The following ABHD2 variants were observed in gnomAD, a reference collection of about 807,000 sequenced individuals.
The protein encoded by ABHD2 is monoacylglycerol lipase ABHD2.
A neutral mutation model predicts 48.1 loss-of-function variants in ABHD2; 20 were observed. That is an observed-to-expected ratio of 0.42 (90% confidence interval 0.29 to 0.60). ABHD2 has a LOEUF of 0.60. Among genes scored for constraint, ABHD2 ranks in the 20% least tolerant of loss-of-function variants. The probability of loss-of-function intolerance (pLI) is 0.24; values close to 1 mark genes in which losing one functional copy is unlikely to be tolerated. For missense variants in ABHD2, 405 were observed against 550.9 expected (o/e 0.74, Z 2.65); for synonymous variants, 209 against 214.2 (o/e 0.98, Z 0.21).
chr15:89,178,428 C>T (rs547115068), intron 6 of ABHD2, among the ~76,000 whole-genome samples: 114 of 152,314 alleles, frequency 7.5e-4, no homozygotes, highest in African/African-American at 2.5e-3. Context: ...AAGGTGGAGC[C>T]GGGGAGGCCC....
chr15:89,194,005 C>T (rs1248311935), intron 10 of ABHD2, among the ~76,000 whole-genome samples: 1 of 151,798 alleles, frequency 6.6e-6, no homozygotes, highest in African/African-American at 2.4e-5. Flanking sequence ...GCAGGAAGAT[C>T]ACTTGAGTCC....
In ABHD2 at chr15:89,116,444, A is replaced by G. The variant is rs753068834; in HGVS notation, c.117A>G (p.Thr39=). ...IVRCLNLKSP[T]APPDLYFQDS... ...GGTGTTTGAACCTGAAGAGCCCCACAGCCCCACCTGACCTCTACTTCCAGG... is the reference window on the plus strand; with the variant it reads ...GGTGTTTGAACCTGAAGAGCCCCACGGCCCCACCTGACCTCTACTTCCAGG... The change falls in exon 3 of 11, where the codon ACA becomes ACG. Residue 39 remains threonine (T), a synonymous_variant. Coordinates refer to ENST00000352732, the MANE Select transcript of ABHD2 (RefSeq NM_152924.5). This position sits in a 1 kb window ranked among gnomAD's most constrained non-coding sequence, Gnocchi z 4.6. 1.2e-6 allele frequency: 2 copies of G among 1,614,206 alleles called. No homozygotes were observed. Among genetic ancestry groups the G allele is most frequent in the South Asian group, 2.2e-5 (2 of 91,084 alleles).
chr15:89,112,966 A>G (rs557115082), intron 1 of ABHD2, among the ~76,000 whole-genome samples: 56 of 152,354 alleles, frequency 3.7e-4, no homozygotes, highest in African/African-American at 1.3e-3. Flanking sequence ...ATGAGCTACC[A>G]TATGTCAAGT....
At chr15:89,105,660 T>C (rs2150793888) in intron 1 of ABHD2, among the ~76,000 whole-genome samples, 1 of 152,388 alleles carries the variant, frequency 6.6e-6, no homozygotes, top group East Asian at 1.9e-4. Context: ...TTGTAAGAGA[T>C]GGACTGGATC....
At chr15:89,072,808 C>A in the ABHD2 span, among the ~76,000 whole-genome samples, 1 of 152,124 alleles carries the variant, frequency 6.6e-6, no homozygotes, top group East Asian at 1.9e-4. Flanking sequence ...CTCCTTGGAA[C>A]TTCAGTACTT....
intron 1 of ABHD2, among the ~76,000 whole-genome samples, chr15:89,099,487 C>A (rs1395424900): frequency 6.6e-6 from 1 of 152,146 alleles, no homozygotes. Context: ...GTGGCACATA[C>A]CTGCAGTCCC....
At chr15:89,152,916 C>T (rs929578966) in intron 4 of ABHD2, among the ~76,000 whole-genome samples, 2 of 152,112 alleles carry the variant, frequency 1.3e-5, no homozygotes, top group Non-Finnish European at 2.9e-5. Context: ...CTTTTGCATT[C>T]TATAGTATTC....
Position 89,190,491 on chromosome 15 carries a change from G to T in ABHD2, c.927-589G>T, listed in dbSNP as rs2051285737. Among the ~76,000 whole-genome samples the T allele has an allele frequency of 2.0e-5, 3 of 152,100 alleles. No individual in the cohort carries two copies. In the South Asian group the frequency reaches 6.3e-4, roughly 32 times the overall value. ...AATACATATTTTATTCCAATTCACG[G>T]TGGTCCTGTTACTCCACTAAGAACT... On this transcript the variant is annotated intron_variant, in intron 8 of 10. Coordinates refer to ENST00000352732, the MANE Select transcript of ABHD2 (RefSeq NM_152924.5).
chr15:89,064,909 A>G, the ABHD2 span, among the ~76,000 whole-genome samples: 2 of 152,150 alleles, frequency 1.3e-5, no homozygotes, highest in South Asian at 4.1e-4. Flanking sequence ...TCAGAACCTC[A>G]GAAGCACCTG....
At chr15:89,119,136 G>A (rs1370145317) in intron 3 of ABHD2, among the ~76,000 whole-genome samples, 11 of 152,190 alleles carry the variant, frequency 7.2e-5, no homozygotes, top group Non-Finnish European at 1.3e-4. Context: ...CCTGATGATT[G>A]TTTATGACTT....
At chr15:89,134,267 T>G (rs1490738335) in intron 3 of ABHD2, among the ~76,000 whole-genome samples, 1 of 152,256 alleles carries the variant, frequency 6.6e-6, no homozygotes, top group Non-Finnish European at 1.5e-5. Context: ...GAATTTCTTC[T>G]AGCATATGAA....
intron 3 of ABHD2, among the ~76,000 whole-genome samples, chr15:89,136,773 A>T (rs1307490194): frequency 6.6e-6 from 1 of 152,234 alleles, no homozygotes; most frequent in Non-Finnish European, 1.5e-5. Context: ...AGTGGCAAAT[A>T]TAATGTGATT....
Position 89,176,243 on chromosome 15 carries a change from C to T in ABHD2, c.722+248C>T, listed in dbSNP as rs921484426. Among the ~76,000 whole-genome samples the T allele has an allele frequency of 6.6e-6, 1 of 152,140 alleles. No homozygotes were observed. The highest frequency in any genetic ancestry group is 1.5e-5 in the Non-Finnish European group (1 of 68,008). ...TCTGTAATTGGAGAAGTAAAACCCC[C>T]TTTGATAGTTGCTGTCTCCTAGGGA... On this transcript the variant is annotated intron_variant, in intron 6 of 10. Coordinates refer to ENST00000352732, the MANE Select transcript of ABHD2 (RefSeq NM_152924.5). The surrounding 1 kb of genome is among the most constrained non-coding windows in gnomAD (Gnocchi z 4.5).
intron 3 of ABHD2, among the ~76,000 whole-genome samples, chr15:89,118,732 A>G (rs1447869875): frequency 1.3e-5 from 2 of 152,194 alleles, no homozygotes; most frequent in African/African-American, 4.8e-5. Context: ...GCTCCAGAAA[A>G]ACATCATGTA....
chr15:89,054,137 C>G, the ABHD2 span, among the ~76,000 whole-genome samples: 1 of 152,086 alleles, frequency 6.6e-6, no homozygotes, highest in Admixed American at 6.6e-5. Context: ...GCCTAGCCAA[C>G]ATGATGAAAC....
chr15:89,052,986 G>A, the ABHD2 span, among the ~76,000 whole-genome samples: 1 of 85,124 alleles, frequency 1.2e-5, no homozygotes, highest in Non-Finnish European at 2.4e-5. Flanking sequence ...TTTTTTTTTT[G>A]AGATGGAATC....
chr15:89,051,219 G>C, the ABHD2 span, among the ~76,000 whole-genome samples: 3 of 152,158 alleles, frequency 2.0e-5, 1 homozygote, highest in African/African-American at 7.2e-5. Context: ...GGTGACAAGA[G>C]TGAAACTCTG....
the ABHD2 span, among the ~76,000 whole-genome samples, chr15:89,078,396 G>A: frequency 9.2e-5 from 14 of 152,250 alleles, no homozygotes; most frequent in Non-Finnish European, 1.3e-4. Flanking sequence ...CTATGTCAAA[G>A]GGAAAAATTA....
intron 3 of ABHD2, among the ~76,000 whole-genome samples, chr15:89,149,332 G>A (rs1376168213): frequency 2.6e-5 from 4 of 152,038 alleles, no homozygotes; most frequent in African/African-American, 9.7e-5. Flanking sequence ...TCATGTAATA[G>A]CTGAATTCAC....
Sources: gnomAD v4.1 joint callset for allele counts (sites outside exome capture counted in the v4.1 genomes callset) on GRCh38, gnomAD v4.1.1 for gene constraint, Gnocchi (gnomAD v3.1) non-coding constraint, MANE v1.5 for transcripts, NCBI Gene and HGNC (gene_info 2026-07-23, HGNC 2026-07-21) for gene names.